The following CNTN5 variants were observed in gnomAD, a reference collection of about 807,000 sequenced individuals.
The protein encoded by CNTN5 is contactin-5.
A neutral mutation model predicts 129.1 loss-of-function variants in CNTN5; 77 were observed. The ratio of observed to expected loss-of-function variants is 0.60; its 90% CI spans 0.50 to 0.72. CNTN5 has a LOEUF of 0.72. CNTN5 is among the 30% of genes least tolerant of loss of function. CNTN5 has a pLI of 0.00. For synonymous variants in CNTN5, 509 were observed against 465.6 expected, an observed-to-expected ratio of 1.09 and a Z score of -1.20; for missense variants, 1,478 against 1,328.8, an observed-to-expected ratio of 1.11 and a Z score of -1.75.
rs146279272 is a variant in CNTN5 at position 99,071,984 on chromosome 11, C to G, written c.-210+50714C>G. Among the ~76,000 whole-genome samples, 55 of 152,136 alleles carry G rather than the reference C, an allele frequency of 3.6e-4. 1 individual carries two copies. The highest frequency in any genetic ancestry group is 1.3e-3 in the African/African-American group (52 of 41,546). ...AGAAGGAAGTAATAATACAATCAAA[C>G]AAACTTTTTCACAACACATTTAACA... On this transcript the variant is annotated intron_variant, in intron 1 of 24. Transcript: ENST00000524871.
intron 13 of CNTN5, among the ~76,000 whole-genome samples, chr11:100,088,423 T>A (rs1944636237): frequency 6.6e-6 from 1 of 151,844 alleles, no homozygotes; most frequent in African/African-American, 2.4e-5. Context: ...GAAACAAAAG[T>A]TCATGCAAAG....
At chr11:99,907,610 T>C (rs1187765621) in intron 6 of CNTN5, among the ~76,000 whole-genome samples, 1 of 151,756 alleles carries the variant, frequency 6.6e-6, no homozygotes, top group Non-Finnish European at 1.5e-5. Context: ...TCTTTTATTA[T>C]ATGTCAAACA....
At chr11:100,120,690 A>C (rs1945988082) in intron 13 of CNTN5, among the ~76,000 whole-genome samples, 1 of 151,920 alleles carries the variant, frequency 6.6e-6, no homozygotes, top group Non-Finnish European at 1.5e-5. Flanking sequence ...TTTTATATAA[A>C]ATAATAGGGT....
intron 3 of CNTN5, among the ~76,000 whole-genome samples, chr11:99,811,426 T>A (rs1946424446): frequency 6.7e-6 from 1 of 149,806 alleles, no homozygotes; most frequent in Admixed American, 6.7e-5. Flanking sequence ...TAGTTCTGCA[T>A]ATTCTAATCC....
chr11:99,609,885 G>A lies in CNTN5; in HGVS notation c.55+53616G>A, dbSNP rs73539190. Reference sequence around the variant, plus strand: ...TCAGTGCCATTTTCTTTTTCTTAGGGTTGTTAGAAAGACAGAGGTAATAGC... The same window carrying A: ...TCAGTGCCATTTTCTTTTTCTTAGGATTGTTAGAAAGACAGAGGTAATAGC... On this transcript the variant is annotated intron_variant, in intron 3 of 24. Coordinates refer to ENST00000524871, the MANE Select transcript of CNTN5 (RefSeq NM_014361.4). 2.3e-3 allele frequency among the ~76,000 whole-genome samples: 349 copies of A among 152,182 alleles called. 2 individuals are homozygous for A. Among genetic ancestry groups the A allele is most frequent in the African/African-American group, 8.1e-3 (335 of 41,528 alleles).
intron 13 of CNTN5, among the ~76,000 whole-genome samples, chr11:100,135,819 G>A (rs960213249): frequency 4.0e-5 from 6 of 151,802 alleles, no homozygotes; most frequent in Non-Finnish European, 7.4e-5. Context: ...TCTTTCATTC[G>A]GGTTTATGAT....
intron 1 of CNTN5, among the ~76,000 whole-genome samples, chr11:99,268,144 C>A (rs1862997322): frequency 1.3e-5 from 2 of 151,994 alleles, no homozygotes; most frequent in South Asian, 4.2e-4. Flanking sequence ...TTATCTCAAC[C>A]AAGAGCTATT....
At chr11:99,725,189 T>TC (rs1943296527) in intron 3 of CNTN5, among the ~76,000 whole-genome samples, 1 of 152,166 alleles carries the variant, frequency 6.6e-6, no homozygotes, top group South Asian at 2.1e-4. Flanking sequence ...GTTATCATCC[T>TC]CCCTTCAGAC....
intron 3 of CNTN5, among the ~76,000 whole-genome samples, chr11:99,741,861 A>G (rs528260586): frequency 1.1e-3 from 165 of 152,240 alleles, no homozygotes; most frequent in Non-Finnish European, 1.7e-3. Flanking sequence ...ATTATTATAT[A>G]GACATGTGAA....
intron 3 of CNTN5, among the ~76,000 whole-genome samples, chr11:99,818,183 C>T (rs1946655422): frequency 6.6e-6 from 1 of 151,950 alleles, no homozygotes; most frequent in Admixed American, 6.6e-5. Flanking sequence ...AGCTTACTTA[C>T]AGTGATACTT....
At chr11:99,835,183 G>C (rs1037837810) in intron 4 of CNTN5, among the ~76,000 whole-genome samples, 1 of 152,218 alleles carries the variant, frequency 6.6e-6, no homozygotes, top group African/African-American at 2.4e-5. Context: ...AATTGGTTCA[G>C]ATGCAGAAAC....
chr11:99,721,634 G>A (rs1943176768), intron 3 of CNTN5, among the ~76,000 whole-genome samples: 1 of 152,040 alleles, frequency 6.6e-6, no homozygotes, highest in Non-Finnish European at 1.5e-5. Flanking sequence ...TTGACAAGCG[G>A]GATCTACTTA....
rs868818329 is a variant in CNTN5 at position 99,359,807 on chromosome 11, C to T, written c.-71+34323C>T. On this transcript the variant is annotated intron_variant, in intron 2 of 24. Coordinates refer to ENST00000524871, the MANE Select transcript of CNTN5 (RefSeq NM_014361.4). The stretch of plus-strand genomic sequence containing the variant: ...TACGTGCTTCTGAAATGCAGTAGTA[C>T]GACAAGCATACAACAGACATTCTAT... Among the ~76,000 whole-genome samples, 17 of 151,652 alleles carry T rather than the reference C, an allele frequency of 1.1e-4. No homozygotes were observed. In the South Asian group the frequency reaches 1.9e-3, roughly 17 times the overall value.
intron 1 of CNTN5, among the ~76,000 whole-genome samples, chr11:99,323,529 G>A (rs1266458429): frequency 6.6e-6 from 1 of 152,100 alleles, no homozygotes; most frequent in Non-Finnish European, 1.5e-5. Context: ...TGCTAGACAT[G>A]TTGGTAAGCT....
In CNTN5 at chr11:99,890,846, A is replaced by G. The variant is rs756156298; in HGVS notation, c.578-25208A>G. Among the ~76,000 whole-genome samples, 182 of 152,274 alleles carry G rather than the reference A, an allele frequency of 1.2e-3. 2 individuals are homozygous for G. The highest frequency in any genetic ancestry group is 3.8e-4 in the Non-Finnish European group (26 of 68,020). On this transcript the variant is annotated intron_variant, in intron 6 of 24. Transcript: ENST00000524871. Reference sequence around the variant, plus strand: ...AACATCAACATGTCATGGTGATAATATGAATCCTGGATAAGCTGTGTTTGA... The same window carrying G: ...AACATCAACATGTCATGGTGATAATGTGAATCCTGGATAAGCTGTGTTTGA...
At chr11:99,123,929 G>A (rs1265725516) in intron 1 of CNTN5, among the ~76,000 whole-genome samples, 3 of 152,014 alleles carry the variant, frequency 2.0e-5, no homozygotes, top group Admixed American at 2.0e-4. Flanking sequence ...CCAGTACCAT[G>A]CTGTTTTGAT....
chr11:99,657,347 A>T (rs1188693183), intron 3 of CNTN5, among the ~76,000 whole-genome samples: 4 of 151,844 alleles, frequency 2.6e-5, no homozygotes, highest in Admixed American at 2.6e-4. Flanking sequence ...CTATTTTGGG[A>T]ATTTGGGGGT....
At chr11:99,972,154 A>G (rs1033088926) in intron 8 of CNTN5, among the ~76,000 whole-genome samples, 1 of 150,536 alleles carries the variant, frequency 6.6e-6, no homozygotes, top group African/African-American at 2.4e-5. Flanking sequence ...CCAGCTACTC[A>G]GGAGGCTGAG....
chr11:99,433,474 T>G, intron 2 of CNTN5, among the ~76,000 whole-genome samples: 1 of 151,964 alleles, frequency 6.6e-6, no homozygotes, highest in East Asian at 1.9e-4. Context: ...ACATATCAGT[T>G]ACTGTAAATC....
Sources: gnomAD v4.1 joint callset for allele counts (sites outside exome capture counted in the v4.1 genomes callset) on GRCh38, gnomAD v4.1.1 for gene constraint, MANE v1.5 for transcripts, NCBI Gene and HGNC (gene_info 2026-07-23, HGNC 2026-07-21) for gene names.